Variants in NRF1 observed in about 807,000 individuals in gnomAD.
The protein encoded by NRF1 is nuclear respiratory factor 1.
Under a neutral mutation model 58.5 loss-of-function variants are expected in NRF1, and 5 were observed. The observed-to-expected ratio is 0.09, with a 90% confidence interval of 0.04 to 0.18. The LOEUF (loss-of-function observed/expected upper bound fraction) is 0.18, where lower values mean the gene tolerates loss of function less well. NRF1 is among the 10% of genes least tolerant of loss of function. The pLI, the probability that NRF1 is intolerant of heterozygous loss-of-function variation, is 1.00. For synonymous variants in NRF1, 224 were observed against 246.7 expected (o/e 0.91, Z 0.86); for missense variants, 288 against 657.7 (o/e 0.44, Z 6.15).
chr7:129,634,913 A>G (rs1801134646), intron 1 of NRF1, among the ~76,000 whole-genome samples: 1 of 152,182 alleles, frequency 6.6e-6, no homozygotes. Flanking sequence ...GTCCCTACAT[A>G]AATAATACCA....
chr7:129,737,512 T>C (rs1803744451), intron 10 of NRF1, among the ~76,000 whole-genome samples: 1 of 152,216 alleles, frequency 6.6e-6, no homozygotes, highest in African/African-American at 2.4e-5. Context: ...TCCAACTCTT[T>C]AAAAATGAGA....
At position 129,661,435 on chromosome 7, in the gene NRF1, A is replaced by C. The variant is rs1268169620; in HGVS notation, c.223+3861A>C. On this transcript the variant is annotated intron_variant, in intron 2 of 10. Transcript: ENST00000393232. ...TCATGTTTTCCTTCCCTTATAAAACAATGCCTTTAACAGCACCCAAGTCAC... is the reference window on the plus strand; with the variant it reads ...TCATGTTTTCCTTCCCTTATAAAACCATGCCTTTAACAGCACCCAAGTCAC... Among the ~76,000 whole-genome samples, 2 of 151,144 alleles carry C rather than the reference A, an allele frequency of 1.3e-5. 1 individual carries two copies. Among genetic ancestry groups the C allele is most frequent in the African/African-American group, 4.9e-5 (2 of 40,430 alleles).
chr7:129,669,870 C>T (rs958191891), intron 2 of NRF1, among the ~76,000 whole-genome samples: 4 of 152,096 alleles, frequency 2.6e-5, no homozygotes, highest in African/African-American at 9.7e-5. Context: ...GAAATCAGGA[C>T]CCCAAAGAGA....
At chr7:129,671,355 G>T in intron 2 of NRF1, 74 bp from the exon 3 acceptor site, 2 of 850,746 alleles carry the variant, frequency 2.4e-6, no homozygotes, top group Non-Finnish European at 3.8e-6. Flanking sequence ...TACCTTTTTT[G>T]TACCTTTAAT....
In NRF1 at chr7:129,671,381, C is replaced by G. The variant is rs747011817; in HGVS notation, c.224-48C>G. Reference sequence around the variant, plus strand: ...TACCTTTAATTGTTTCTGTCTTGAACAGTTTACAGGCAGCTGCCTAATCTC... The same window carrying G: ...TACCTTTAATTGTTTCTGTCTTGAAGAGTTTACAGGCAGCTGCCTAATCTC... On this transcript the variant is annotated intron_variant, in intron 2 of 10. Coordinates refer to ENST00000393232, the MANE Select transcript of NRF1 (RefSeq NM_005011.5). 2 of 1,174,416 alleles carry G rather than the reference C, an allele frequency of 1.7e-6. No homozygotes were observed. The highest frequency in any genetic ancestry group is 2.5e-6 in the Non-Finnish European group (2 of 785,260). 72.7% of individuals were successfully genotyped at this position (1,174,416 alleles called of 1,614,324 possible). A position where few individuals can be genotyped will look rare whatever the true frequency, so the allele number is the denominator to read the frequency against.
intron 1 of NRF1, among the ~76,000 whole-genome samples, chr7:129,634,705 C>G (rs1181048921): frequency 6.6e-6 from 1 of 152,092 alleles, no homozygotes; most frequent in Non-Finnish European, 1.5e-5. Flanking sequence ...TGAGTAAATA[C>G]CAAGGAGTGC....
At chr7:129,638,772 C>G (rs4731611) in intron 1 of NRF1, among the ~76,000 whole-genome samples, 19,742 of 151,936 alleles carry the variant, frequency 0.13, 1,603 homozygotes, top group Admixed American at 0.23. Context: ...AGCATTTCTC[C>G]CCTCCTTCTG....
chr7:129,696,964 C>T (rs1802713311), intron 5 of NRF1, among the ~76,000 whole-genome samples: 1 of 151,998 alleles, frequency 6.6e-6, no homozygotes, highest in African/African-American at 2.4e-5. Context: ...GCCCTCCTAC[C>T]TTAAGGAGTT....
intron 5 of NRF1, among the ~76,000 whole-genome samples, chr7:129,701,798 T>A (rs1289218536): frequency 6.6e-6 from 1 of 152,148 alleles, no homozygotes; most frequent in African/African-American, 2.4e-5. Context: ...TAAACTGATT[T>A]CATAAACTGT....
intron 10 of NRF1, 26 bp downstream of exon 10, chr7:129,727,391 A>C (rs764339444): frequency 1.3e-6 from 2 of 1,566,232 alleles, no homozygotes; most frequent in East Asian, 4.8e-5. Context: ...TATTTTATTA[A>C]ATTTCTTCCC....
chr7:129,669,557 C>T (rs765712508), intron 2 of NRF1, among the ~76,000 whole-genome samples: 1 of 152,102 alleles, frequency 6.6e-6, no homozygotes, highest in Non-Finnish European at 1.5e-5. Flanking sequence ...ATATTGGACT[C>T]CTACAACTCA....
At chr7:129,620,926 C>T (rs1800784560) in intron 1 of NRF1, among the ~76,000 whole-genome samples, 1 of 151,956 alleles carries the variant, frequency 6.6e-6, no homozygotes. Context: ...ATGAAAATAC[C>T]GTTGATGGTT....
intron 2 of NRF1, among the ~76,000 whole-genome samples, chr7:129,659,270 G>T (rs1459417890): frequency 6.6e-6 from 1 of 151,824 alleles, no homozygotes; most frequent in African/African-American, 2.4e-5. Flanking sequence ...GTAGAGATGG[G>T]GTTTCACCCT....
At chr7:129,669,331 T>C (rs1158574101) in intron 2 of NRF1, among the ~76,000 whole-genome samples, 1 of 152,194 alleles carries the variant, frequency 6.6e-6, no homozygotes, top group Non-Finnish European at 1.5e-5. Context: ...ATGCAAATTT[T>C]ACCTCAAAAG....
chr7:129,705,804 A>G (rs1426898935), intron 5 of NRF1, among the ~76,000 whole-genome samples: 1 of 152,170 alleles, frequency 6.6e-6, no homozygotes, highest in Non-Finnish European at 1.5e-5. Flanking sequence ...ATAGCTGGGC[A>G]TGGTGGCATG....
intron 1 of NRF1, among the ~76,000 whole-genome samples, chr7:129,617,218 C>T (rs540259990): frequency 3.4e-4 from 51 of 152,234 alleles, no homozygotes; most frequent in Non-Finnish European, 6.0e-4. Context: ...TATATTAAGA[C>T]AGTTTTTTTT....
chr7:129,630,337 C>G (rs1171405494), intron 1 of NRF1, among the ~76,000 whole-genome samples: 1 of 152,184 alleles, frequency 6.6e-6, no homozygotes, highest in Non-Finnish European at 1.5e-5. Flanking sequence ...AGCTAACAGT[C>G]TGAGCCTTGC....
At chr7:129,619,424 A>G (rs1373611058) in intron 1 of NRF1, among the ~76,000 whole-genome samples, 1 of 96,636 alleles carries the variant, frequency 1.0e-5, no homozygotes, top group African/African-American at 6.0e-5. Flanking sequence ...ATATATATAT[A>G]TATATATATA....
chr7:129,701,414 A>G (rs1207788611), intron 5 of NRF1, among the ~76,000 whole-genome samples: 2 of 152,036 alleles, frequency 1.3e-5, no homozygotes, highest in African/African-American at 2.4e-5. Flanking sequence ...CCTGGCCAAC[A>G]TGGTGAAACC....
Sources: gnomAD v4.1 joint callset for allele counts (sites outside exome capture counted in the v4.1 genomes callset) on GRCh38, gnomAD v4.1.1 for gene constraint, MANE v1.5 for transcripts, NCBI Gene and HGNC (gene_info 2026-07-23, HGNC 2026-07-21) for gene names.